Variants in GTF2IRD1 observed in about 807,000 individuals in gnomAD.
GTF2IRD1 encodes the protein general transcription factor II-I repeat domain-containing protein 1.
GTF2IRD1 carries 26 observed loss-of-function variants against 113.2 expected under a neutral mutation model. The ratio of observed to expected loss-of-function variants is 0.23; its 90% CI spans 0.17 to 0.32. The LOEUF is 0.32. Among genes scored for constraint, GTF2IRD1 ranks in the 10% least tolerant of loss-of-function variants. GTF2IRD1 has a pLI of 1.00. For synonymous variants in GTF2IRD1, 484 were observed against 529.1 expected (o/e 0.91, Z 1.17); for missense variants, 864 against 1,280.8 (o/e 0.67, Z 4.97).
rs372792939 is a variant in GTF2IRD1, at chr7:74,521,314, G to A, written c.1006+17G>A. 6.8e-5 allele frequency: 101 copies of A among 1,489,370 alleles called. 1 individual carries two copies. The highest frequency in any genetic ancestry group is 3.4e-4 in the Middle Eastern group (2 of 5,840). The allele number at this position is 1,489,370 out of a possible 1,614,324, so 92.3% of individuals were successfully genotyped here. A position where few individuals can be genotyped will look rare whatever the true frequency, so the allele number is the denominator to read the frequency against. ...ACAAGTCAGGTAGGACAGCGCCCAC[G>A]AAGCACCCCGGCCTGAGTGGGAATC... On this transcript the variant is annotated intron_variant, in intron 7 of 26. Transcript: ENST00000424337.
At chr7:74,458,404 T>C (rs1793134216) in intron 1 of GTF2IRD1, among the ~76,000 whole-genome samples, 2 of 146,156 alleles carry the variant, frequency 1.4e-5, no homozygotes, top group South Asian at 2.2e-4. Context: ...TGTTGGGGGC[T>C]CCAGATACGG....
At chr7:74,474,902 C>G (rs117513005) in intron 1 of GTF2IRD1, among the ~76,000 whole-genome samples, 1,646 of 152,164 alleles carry the variant, frequency 0.011, 82 homozygotes, top group Admixed American at 0.068. Context: ...TGCTTGAGTC[C>G]AGGAGTTTGA....
At chr7:74,595,353 C>T (rs1264211740) in intron 25 of GTF2IRD1, among the ~76,000 whole-genome samples, 5 of 151,058 alleles carry the variant, frequency 3.3e-5, no homozygotes, top group Non-Finnish European at 5.9e-5. Flanking sequence ...TTGCGGTGAA[C>T]TGAGATCGCG....
intron 1 of GTF2IRD1, among the ~76,000 whole-genome samples, chr7:74,497,160 TAAATA>T (rs769572505): frequency 2.6e-4 from 40 of 152,246 alleles, no homozygotes; most frequent in Middle Eastern, 3.4e-3. Context: ...AGACTCTTTC[TAAATA>T]AAATAAAATA....
chr7:74,461,511 G>T (rs547624699), intron 1 of GTF2IRD1, among the ~76,000 whole-genome samples: 33 of 152,304 alleles, frequency 2.2e-4, no homozygotes, highest in Non-Finnish European at 3.1e-4. Flanking sequence ...CGTCAGGCCT[G>T]AGGGAGTCTC....
At chr7:74,573,808 G>A (rs898564039) in intron 22 of GTF2IRD1, among the ~76,000 whole-genome samples, 1 of 152,134 alleles carries the variant, frequency 6.6e-6, no homozygotes, top group African/African-American at 2.4e-5. Context: ...AAGAACCTTC[G>A]TGTCATGGAG....
Position 74,512,889 on chromosome 7 carries a change from C to A in GTF2IRD1, c.183C>A (p.Ser61Arg), listed in dbSNP as rs1554343415. ...EVACVAVHDESAFVVGTEKGR... is the reference protein window; with the variant it reads ...EVACVAVHDERAFVVGTEKGR... ...CCTGTGTCGCCGTGCACGATGAGAG[C>A]GCCTTTGTGGTGGGCACAGAGAAGG... Residue 61 changes from serine (S) to arginine (R), a missense_variant, in exon 3 of 27, where the codon AGC becomes AGA. Ser to Arg is a moderately radical substitution (Grantham distance 110). Around this residue, in one of 7 missense-constraint regions of GTF2IRD1, gnomAD observed 182 missense variants for 266.6 expected, o/e 0.68. Transcript: ENST00000424337. This position sits in a 1 kb window ranked among gnomAD's most constrained non-coding sequence, Gnocchi z 4.4. The A allele has an allele frequency of 6.2e-7, 1 of 1,613,932 alleles. No homozygotes were observed. The highest frequency in any genetic ancestry group is 1.7e-5 in the Admixed American group (1 of 60,026).
chr7:74,487,251 T>C (rs1438323899), intron 1 of GTF2IRD1, among the ~76,000 whole-genome samples: 5 of 152,210 alleles, frequency 3.3e-5, no homozygotes, highest in African/African-American at 1.2e-4. Context: ...TTGGCCAGGC[T>C]GGTCTTGAAC....
chr7:74,559,108 G>T, intron 21 of GTF2IRD1, 64 bp downstream of exon 21: 1 of 1,438,410 alleles, frequency 7.0e-7, no homozygotes, highest in South Asian at 1.3e-5. Flanking sequence ...TTGCACCTGC[G>T]AATCCTTAGC....
At chr7:74,519,910 G>A (rs1329324635) in intron 6 of GTF2IRD1, among the ~76,000 whole-genome samples, 191 bp downstream of exon 6, 2 of 151,914 alleles carry the variant, frequency 1.3e-5, no homozygotes, top group Admixed American at 6.6e-5. Flanking sequence ...TCTCTGCTCA[G>A]CCATCTGTGA....
At chr7:74,462,840 C>A (rs1171354692) in intron 1 of GTF2IRD1, among the ~76,000 whole-genome samples, 5 of 152,236 alleles carry the variant, frequency 3.3e-5, no homozygotes, top group African/African-American at 1.2e-4. Context: ...ATTACACCTG[C>A]CTGCCGCTGC....
intron 17 of GTF2IRD1, among the ~76,000 whole-genome samples, chr7:74,549,270 T>G (rs1799146625): frequency 6.9e-6 from 1 of 143,990 alleles, no homozygotes; most frequent in Admixed American, 7.2e-5. Context: ...ACCACGACAC[T>G]CCAGCCTGGG....
In GTF2IRD1 at chr7:74,556,790, A is replaced by ATTTTTTTTTTTT. The variant is rs587648610; in HGVS notation, c.2024-844_2024-843insTTTTTTTTTTTT. On this transcript the variant is annotated intron_variant, in intron 19 of 26. Coordinates refer to ENST00000424337, the MANE Select transcript of GTF2IRD1 (RefSeq NM_005685.4). ...AGGTACGCACCACCATGCCTGGCTA[A>ATTTTTTTTTTTT]TTTTTGTATTTTTAGTAGAGATAGG... Among the ~76,000 whole-genome samples the ATTTTTTTTTTTT allele has an allele frequency of 1.3e-3, 168 of 132,602 alleles. 1 individual carries two copies. The highest frequency in any genetic ancestry group is 1.5e-3 in the African/African-American group (52 of 35,696). The allele number at this position is 132,602 out of a possible 152,430, so 87.0% of individuals were successfully genotyped here.
intron 15 of GTF2IRD1, 110 bp downstream of exon 15, chr7:74,544,912 C>G: frequency 1.3e-6 from 1 of 785,784 alleles, no homozygotes; most frequent in Non-Finnish European, 2.2e-6. Flanking sequence ...TCCACCTCAT[C>G]TCTCTCCAGC....
At position 74,512,941 on chromosome 7, in the gene GTF2IRD1, G is replaced by A. The variant is rs1554343461; in HGVS notation, c.235G>A (p.Glu79Lys). 6.2e-7 allele frequency: 1 copy of A among 1,614,096 alleles called. No homozygotes were observed. Among genetic ancestry groups the A allele is most frequent in the Non-Finnish European group, 8.5e-7 (1 of 1,180,006 alleles). ...KGRMFLNARK[E>K]LQSDFLRFCR... The stretch of plus-strand genomic sequence containing the variant: ...GAGAATGTTCCTGAATGCCCGGAAG[G>A]AGCTACAGTCAGACTTCCTCAGGTT... The change falls in exon 3 of 27, where the codon GAG (glutamate) becomes AAG (lysine). Residue 79 changes from glutamate (E) to lysine (K), a missense_variant. Glu to Lys is a moderately conservative substitution (Grantham distance 56). This residue lies in a region of GTF2IRD1 where 182 missense variants were observed against 266.6 expected (regional missense o/e 0.68). Coordinates refer to ENST00000424337, the MANE Select transcript of GTF2IRD1 (RefSeq NM_005685.4). The surrounding 1 kb of genome is among the most constrained non-coding windows in gnomAD (Gnocchi z 4.4).
chr7:74,555,118 G>A lies in GTF2IRD1; in HGVS notation c.1917-56G>A. The A allele has an allele frequency of 1.3e-6, 2 of 1,528,656 alleles. No homozygotes were observed. The highest frequency in any genetic ancestry group is 2.3e-5 in the East Asian group (1 of 44,362). The allele number at this position is 1,528,656 out of a possible 1,614,324, so 94.7% of individuals were successfully genotyped here. ...ACTGAGGCCCAGAGAGGAGGGCTGA[G>A]CAGTCCCAGAGATGCTTGGAGGGAC... On this transcript the variant is annotated intron_variant, in intron 17 of 26. Transcript: ENST00000424337. The surrounding 1 kb of genome is among the most constrained non-coding windows in gnomAD (Gnocchi z 5.3).
chr7:74,596,376 C>T (rs191928408), intron 25 of GTF2IRD1, among the ~76,000 whole-genome samples: 130 of 149,402 alleles, frequency 8.7e-4, no homozygotes, highest in African/African-American at 3.2e-3. Context: ...AGGAGGATCG[C>T]TTGAACCTAG....
At position 74,519,599 on chromosome 7, in the gene GTF2IRD1, G is replaced by T; in HGVS notation, c.796G>T (p.Ala266Ser). ...GTACAGCACGGCGCTCCCCAACCAC[G>T]CCATCCGAGAGCTCAAGCAGGAAGC... is the stretch of plus-strand genomic sequence containing the variant. ...FLYSTALPNH[A>S]IRELKQEAPS... The change falls in exon 6 of 27, where the codon GCC becomes TCC. Residue 266 changes from alanine (A) to serine (S), a missense_variant. Transcript: ENST00000424337. 1 of 1,612,260 alleles carries T rather than the reference G, an allele frequency of 6.2e-7. No individual in the cohort carries two copies. Among genetic ancestry groups the T allele is most frequent in the Non-Finnish European group, 8.5e-7 (1 of 1,179,646 alleles).
intron 1 of GTF2IRD1, among the ~76,000 whole-genome samples, chr7:74,481,871 C>A (rs564732508): frequency 6.6e-6 from 1 of 152,254 alleles, no homozygotes; most frequent in African/African-American, 2.4e-5. Context: ...TCCTGAAACA[C>A]GTCACAGCGT....
Sources: allele counts gnomAD v4.1 joint callset (sites outside exome capture counted in the v4.1 genomes callset), GRCh38; gene constraint gnomAD v4.1.1; regional missense constraint gnomAD v4.1.1; non-coding constraint Gnocchi (gnomAD v3.1); transcripts MANE v1.5; gene names NCBI Gene and HGNC (gene_info 2026-07-23, HGNC 2026-07-21).